Variants in URM1 observed in about 807,000 individuals in gnomAD.
URM1 encodes the protein ubiquitin related modifier 1, also known as ubiquitin-related modifier 1.
A neutral mutation model predicts 17.7 loss-of-function variants in URM1; 11 were observed. The ratio of observed to expected loss-of-function variants is 0.62; its 90% CI spans 0.39 to 1.03. URM1 has a LOEUF of 1.03. Ranked by LOEUF, URM1 falls within the 50% of genes least tolerant of loss-of-function variation. The pLI is 0.00. For synonymous variants in URM1, 48 were observed against 50.6 expected (o/e 0.95, Z 0.22); for missense variants, 128 against 129.2 (o/e 0.99, Z 0.04).
intron 3 of URM1, chr9:128,388,303 G>A: frequency 4.7e-6 from 5 of 1,058,706 alleles, no homozygotes; most frequent in Non-Finnish European, 5.7e-6. Context: ...CATGCAGCTA[G>A]TAGATTACCA....
rs1368121770 is a variant in URM1, at chr9:128,389,739, C to T, written c.*5C>T. ...TCCACTCTGCACGGCGGCTGAGGGC[C>T]CTTCTCTGGGCCTGGGCACCCTTAG... is the stretch of plus-strand genomic sequence containing the variant. On this transcript the variant is annotated 3_prime_UTR_variant, in exon 5 of 5. Coordinates refer to ENST00000372853, the MANE Select transcript of URM1 (RefSeq NM_030914.4). The T allele has an allele frequency of 3.1e-6, 5 of 1,613,448 alleles. No individual in the cohort carries two copies. Among genetic ancestry groups the T allele is most frequent in the Non-Finnish European group, 4.2e-6 (5 of 1,179,996 alleles).
rs373253256 is a variant in URM1, at chr9:128,389,787, C to T, written c.*53C>T. ...TAGAGGGGAGAACGAAGCAATCAGACATCCCCTTGGGCCCTGCTTCCAGGT... is the reference window on the plus strand; with the variant it reads ...TAGAGGGGAGAACGAAGCAATCAGATATCCCCTTGGGCCCTGCTTCCAGGT... On this transcript the variant is annotated 3_prime_UTR_variant, in exon 5 of 5. Transcript: ENST00000372853. 1.2e-6 allele frequency: 2 copies of T among 1,610,512 alleles called. No homozygotes were observed. The highest frequency in any genetic ancestry group is 2.2e-5 in the East Asian group (1 of 44,830).
At chr9:128,388,362 GTGCACACACCCATGCACA>G (rs1833256661) in intron 3 of URM1, 4 of 992,982 alleles carry the variant, frequency 4.0e-6, no homozygotes, top group Non-Finnish European at 2.4e-6. Context: ...GACTCTGTGC[GTGCACACACCCATGCACA>G]TGCACACACA....
At position 128,387,721 on chromosome 9, in the gene URM1, A is replaced by G; in HGVS notation, c.107-95A>G. ...CTGGTCTAAAAGAAGCCCTCTAAAC[A>G]CCGTGTGTATTTCCTTGTGGGCCAG... On this transcript the variant is annotated intron_variant, in intron 2 of 4. Coordinates refer to ENST00000372853, the MANE Select transcript of URM1 (RefSeq NM_030914.4). This position sits in a 1 kb window ranked among gnomAD's most constrained non-coding sequence, Gnocchi z 4.3. 5.7e-6 allele frequency: 9 copies of G among 1,586,488 alleles called. No homozygotes were observed. Among genetic ancestry groups the G allele is most frequent in the Non-Finnish European group, 6.9e-6 (8 of 1,164,798 alleles).
At chr9:128,377,499 C>T (rs1564410111) in intron 1 of URM1, among the ~76,000 whole-genome samples, 1 of 152,032 alleles carries the variant, frequency 6.6e-6, no homozygotes, top group African/African-American at 2.4e-5. Context: ...ATGGTGAAAC[C>T]CTCTGTCTAA....
chr9:128,389,134 T>C, intron 3 of URM1, 127 bp from the exon 4 acceptor site: 6 of 1,481,080 alleles, frequency 4.1e-6, no homozygotes, highest in Non-Finnish European at 5.3e-6. Flanking sequence ...GGGATATCTT[T>C]AGCCAGACCC....
intron 3 of URM1, chr9:128,388,491 G>A (rs1430261421): frequency 8.1e-6 from 8 of 986,050 alleles, no homozygotes; most frequent in African/African-American, 5.2e-5. Context: ...AGTCCCCCAC[G>A]TGAAAGGTGG....
At chr9:128,379,309 G>A (rs1197444177) in intron 2 of URM1, among the ~76,000 whole-genome samples, 1 of 151,892 alleles carries the variant, frequency 6.6e-6, no homozygotes, top group Non-Finnish European at 1.5e-5. Context: ...ATGAAACCCC[G>A]TCTCTACTAA....
intron 2 of URM1, among the ~76,000 whole-genome samples, chr9:128,378,713 G>A (rs112529236): frequency 2.4e-4 from 36 of 152,144 alleles, no homozygotes; most frequent in African/African-American, 7.5e-4. Flanking sequence ...CCAGCACTTT[G>A]GGGGGCCGAG....
intron 2 of URM1, among the ~76,000 whole-genome samples, chr9:128,386,990 G>A (rs1259874654): frequency 6.6e-6 from 1 of 152,240 alleles, no homozygotes; most frequent in Non-Finnish European, 1.5e-5. Context: ...GCTTCGAGGT[G>A]TTTATAGAGC....
rs1833290887 is a variant in URM1 at position 128,390,176 on chromosome 9, G to A, written c.*442G>A. 1 of 183,588 alleles carries A rather than the reference G, an allele frequency of 5.4e-6. No homozygotes were observed. The highest frequency in any genetic ancestry group is 1.1e-5 in the Non-Finnish European group (1 of 88,474). 11.4% of individuals were successfully genotyped at this position (183,588 alleles called of 1,614,324 possible). On this transcript the variant is annotated 3_prime_UTR_variant, in exon 5 of 5. Transcript: ENST00000372853. ...GAAGGCCCCTCCCTACCCAAAGACT[G>A]GAGGCTTCTCAGCCTCAATTTCCCT...
At chr9:128,381,137 T>C (rs1466672463) in intron 2 of URM1, among the ~76,000 whole-genome samples, 1 of 152,188 alleles carries the variant, frequency 6.6e-6, no homozygotes, top group Non-Finnish European at 1.5e-5. Flanking sequence ...AAGTACTTTA[T>C]TCTTTCATGT....
intron 3 of URM1, chr9:128,388,787 G>T (rs1281120469): frequency 3.0e-6 from 3 of 988,254 alleles, no homozygotes; most frequent in Non-Finnish European, 3.6e-6. Flanking sequence ...TTCTCTCCAG[G>T]ATGGGCATGC....
intron 2 of URM1, among the ~76,000 whole-genome samples, chr9:128,379,044 A>G (rs1258602143): frequency 2.6e-5 from 4 of 151,644 alleles, no homozygotes; most frequent in Non-Finnish European, 4.4e-5. Flanking sequence ...GCAGGTGTTC[A>G]CTGTAACCTT....
At chr9:128,389,076 G>C (rs1041255664) in intron 3 of URM1, 185 bp from the exon 4 acceptor site, 1 of 1,404,996 alleles carries the variant, frequency 7.1e-7, no homozygotes, top group Non-Finnish European at 9.2e-7. Context: ...CAAAGACCAT[G>C]CATGACTGAC....
chr9:128,388,694 C>T (rs1248622919), intron 3 of URM1: 4 of 986,182 alleles, frequency 4.1e-6, no homozygotes. Flanking sequence ...CAAATGTTGA[C>T]CTACCCTGCC....
At chr9:128,385,088 A>G (rs761557932) in intron 2 of URM1, among the ~76,000 whole-genome samples, 2 of 152,162 alleles carry the variant, frequency 1.3e-5, no homozygotes, top group Non-Finnish European at 2.9e-5. Context: ...TGGGAGGGAG[A>G]GGCCCCTACG....
intron 2 of URM1, among the ~76,000 whole-genome samples, chr9:128,382,915 C>G (rs1833178314): frequency 6.6e-6 from 1 of 152,144 alleles, no homozygotes; most frequent in Non-Finnish European, 1.5e-5. Context: ...TCAAGCATCC[C>G]TTTGACCCAA....
chr9:128,379,164 G>T (rs189736463), intron 2 of URM1, among the ~76,000 whole-genome samples: 51 of 152,142 alleles, frequency 3.4e-4, no homozygotes, highest in African/African-American at 1.2e-3. Flanking sequence ...AGGAAATGAG[G>T]TTCCTGGAGG....
Sources: gnomAD v4.1 joint callset for allele counts (sites outside exome capture counted in the v4.1 genomes callset) on GRCh38, gnomAD v4.1.1 for gene constraint, Gnocchi (gnomAD v3.1) non-coding constraint, MANE v1.5 for transcripts, NCBI Gene and HGNC (gene_info 2026-07-23, HGNC 2026-07-21) for gene names.